SLC22A23: variants seen among roughly 807,000 people sequenced by gnomAD.
SLC22A23 encodes the protein ion transporter protein.
A neutral mutation model predicts 61.0 loss-of-function variants in SLC22A23; 26 were observed. That is an observed-to-expected ratio of 0.43 (90% CI 0.31 to 0.59). SLC22A23 has a LOEUF of 0.59. Ranked by LOEUF, SLC22A23 falls within the 20% of genes least tolerant of loss-of-function variation. SLC22A23 has a pLI of 0.11. For synonymous variants in SLC22A23, 430 were observed against 413.9 expected (o/e 1.04, Z -0.47); for missense variants, 796 against 934.7 (o/e 0.85, Z 1.94).
intron 1 of SLC22A23, among the ~76,000 whole-genome samples, chr6:3,435,922 A>G (rs1561981083): frequency 6.6e-6 from 1 of 152,196 alleles, no homozygotes; most frequent in Non-Finnish European, 1.5e-5. Flanking sequence ...AGAAGACGCC[A>G]TCTGCAAGCC....
At chr6:3,407,830 C>T (rs1004014522) in intron 3 of SLC22A23, among the ~76,000 whole-genome samples, 6 of 152,164 alleles carry the variant, frequency 3.9e-5, no homozygotes, top group African/African-American at 1.4e-4. Context: ...AACATACACA[C>T]TAAGATACAC....
At chr6:3,388,506 C>T (rs773857682) in intron 3 of SLC22A23, among the ~76,000 whole-genome samples, 1 of 152,088 alleles carries the variant, frequency 6.6e-6, no homozygotes. Flanking sequence ...GACACTTCCT[C>T]GAAAACATAA....
At chr6:3,423,349 G>A in intron 1 of SLC22A23, among the ~76,000 whole-genome samples, 1 of 152,166 alleles carries the variant, frequency 6.6e-6, no homozygotes, top group East Asian at 1.9e-4. Context: ...ATCTTTCTCA[G>A]CAGAGGTTTG....
chr6:3,302,057 CT>C lies in SLC22A23; in HGVS notation c.1083-3840del, dbSNP rs1311850439. 2.0e-5 allele frequency among the ~76,000 whole-genome samples: 3 copies of C among 152,178 alleles called. No homozygotes were observed. The East Asian group carries it at 5.8e-4, about 29-fold the overall frequency. On this transcript the variant is annotated intron_variant, in intron 4 of 9. Coordinates refer to ENST00000406686, the MANE Select transcript of SLC22A23 (RefSeq NM_015482.2). ...TTCAGTAGAATTCAGCAGTGAAGCC[CT>C]CTGGTCCTGGACTTTTCTTTTTTGG...
In SLC22A23 at chr6:3,318,710, T is replaced by G. The variant is rs188019229; in HGVS notation, c.1082+5124A>C. 3.6e-3 allele frequency among the ~76,000 whole-genome samples: 552 copies of G among 152,214 alleles called. 11 individuals are homozygous for G. Among genetic ancestry groups the G allele is most frequent in the Non-Finnish European group, 5.3e-4 (36 of 68,002 alleles). On this transcript the variant is annotated intron_variant, in intron 4 of 9. Coordinates refer to ENST00000406686, the MANE Select transcript of SLC22A23 (RefSeq NM_015482.2). This position sits in a 1 kb window ranked among gnomAD's most constrained non-coding sequence, Gnocchi z 4.3. Reference sequence around the variant, plus strand: ...CCTGGATAATAATAAAACCCACATCTTAACACAGGCTGCGGCCTCAGTCAA... The same window carrying G: ...CCTGGATAATAATAAAACCCACATCGTAACACAGGCTGCGGCCTCAGTCAA...
At chr6:3,404,457 G>A (rs1349413720) in intron 3 of SLC22A23, among the ~76,000 whole-genome samples, 3 of 152,160 alleles carry the variant, frequency 2.0e-5, no homozygotes, top group Non-Finnish European at 4.4e-5. Context: ...CCAGAGAAAT[G>A]TCTATAGAAA....
rs1762242695 is a variant in SLC22A23 at position 3,309,766 on chromosome 6, C to G, written c.1083-11548G>C. 6.6e-6 allele frequency among the ~76,000 whole-genome samples: 1 copy of G among 152,244 alleles called. No individual in the cohort carries two copies. The highest frequency in any genetic ancestry group is 1.5e-5 in the Non-Finnish European group (1 of 68,050). On this transcript the variant is annotated intron_variant, in intron 4 of 9. Transcript: ENST00000406686. The surrounding 1 kb of genome is among the most constrained non-coding windows in gnomAD (Gnocchi z 4.7). ...CCACAGGGATGGCTCTCCAATCACT[C>G]ACCAGGGACAGGCAACATTACAAAA...
Position 3,430,439 on chromosome 6 carries a change from C to T in SLC22A23, c.655-14584G>A, listed in dbSNP as rs114858178. Among the ~76,000 whole-genome samples the T allele has an allele frequency of 7.7e-3, 1,179 of 152,214 alleles. 7 individuals carry two copies. The highest frequency in any genetic ancestry group is 0.012 in the Non-Finnish European group (840 of 68,024). On this transcript the variant is annotated intron_variant, in intron 1 of 9. Transcript: ENST00000406686. Reference sequence around the variant, plus strand: ...CTTACGTCCTGGCCTTGTGTAAATACGTTTTCTTCCTTTGTGCCACCACCC... The same window carrying T: ...CTTACGTCCTGGCCTTGTGTAAATATGTTTTCTTCCTTTGTGCCACCACCC...
At position 3,295,361 on chromosome 6, in the gene SLC22A23, C is replaced by T. The variant is rs149131685; in HGVS notation, c.1210+2730G>A. On this transcript the variant is annotated intron_variant, in intron 5 of 9. Transcript: ENST00000406686. ...CGGGAGGGACCTGTGGAGAGGGAGA[C>T]GGTGGTGTGTCCTGGGAGCCAAACG... 2.4e-3 allele frequency among the ~76,000 whole-genome samples: 369 copies of T among 152,122 alleles called. 3 individuals are homozygous for T. Among genetic ancestry groups the T allele is most frequent in the East Asian group, 0.019 (99 of 5,170 alleles).
Position 3,272,190 on chromosome 6 carries a change from T to C in SLC22A23, c.*865A>G, listed in dbSNP as rs1758517713. On this transcript the variant is annotated 3_prime_UTR_variant, in exon 10 of 10. Transcript: ENST00000406686. The stretch of plus-strand genomic sequence containing the variant: ...TGGTTTGTAGCTTAGAAAGTAGCCA[T>C]GTTTTCAAGTAGTGCCGGCACAAGA... 6.6e-6 allele frequency: 1 copy of C among 152,610 alleles called. No homozygotes were observed. Among genetic ancestry groups the C allele is most frequent in the African/African-American group, 2.4e-5 (1 of 41,448 alleles). The allele number at this position is 152,610 out of a possible 1,614,324, so 9.5% of individuals were successfully genotyped here. A position where few individuals can be genotyped will look rare whatever the true frequency, so the allele number is the denominator to read the frequency against.
At chr6:3,296,093 G>A (rs775073990) in intron 5 of SLC22A23, among the ~76,000 whole-genome samples, 44 of 152,194 alleles carry the variant, frequency 2.9e-4, no homozygotes, top group Admixed American at 7.9e-4. Context: ...AGCAGAGTGT[G>A]ATGACTTAAT....
Position 3,360,779 on chromosome 6 carries a change from G to A in SLC22A23, c.914-36777C>T, listed in dbSNP as rs1452593499. Among the ~76,000 whole-genome samples, 1 of 152,224 alleles carries A rather than the reference G, an allele frequency of 6.6e-6. No individual in the cohort carries two copies. Among genetic ancestry groups the A allele is most frequent in the Non-Finnish European group, 1.5e-5 (1 of 68,040 alleles). On this transcript the variant is annotated intron_variant, in intron 3 of 9. Coordinates refer to ENST00000406686, the MANE Select transcript of SLC22A23 (RefSeq NM_015482.2). The surrounding 1 kb of genome is among the most constrained non-coding windows in gnomAD (Gnocchi z 4.6). The stretch of plus-strand genomic sequence containing the variant: ...TGTGCAGGCACCCCCATGCAGACGG[G>A]CCCCTCTGATGGAGACCTGCGTTCG...
intron 1 of SLC22A23, among the ~76,000 whole-genome samples, chr6:3,446,149 A>G (rs1032515305): frequency 6.6e-6 from 1 of 152,184 alleles, no homozygotes; most frequent in African/African-American, 2.4e-5. Flanking sequence ...CGGGAGGGTC[A>G]CCTCTGAAAG....
chr6:3,320,519 T>A (rs1381632539), intron 4 of SLC22A23, among the ~76,000 whole-genome samples: 1 of 152,228 alleles, frequency 6.6e-6, no homozygotes, highest in Non-Finnish European at 1.5e-5. Context: ...AATAAATACT[T>A]GCTCATTAAA....
rs970586279 is a variant in SLC22A23 at position 3,330,018 on chromosome 6, G to A, written c.914-6016C>T. 1.3e-5 allele frequency among the ~76,000 whole-genome samples: 2 copies of A among 152,206 alleles called. No homozygotes were observed. The highest frequency in any genetic ancestry group is 4.8e-5 in the African/African-American group (2 of 41,446). ...CGGCCCGGCCATCCTCTCCCAAGGG[G>A]AAGCCTCTGCGAAGGCCGACTGGGC... is the stretch of plus-strand genomic sequence containing the variant. On this transcript the variant is annotated intron_variant, in intron 3 of 9. Coordinates refer to ENST00000406686, the MANE Select transcript of SLC22A23 (RefSeq NM_015482.2). The surrounding 1 kb of genome is among the most constrained non-coding windows in gnomAD (Gnocchi z 4.7).
At chr6:3,433,722 A>G (rs1771018802) in intron 1 of SLC22A23, among the ~76,000 whole-genome samples, 1 of 152,184 alleles carries the variant, frequency 6.6e-6, no homozygotes, top group African/African-American at 2.4e-5. Context: ...ATGGCTCAGC[A>G]ACAAACAGGA....
At chr6:3,365,153 T>C (rs937003634) in intron 3 of SLC22A23, among the ~76,000 whole-genome samples, 1 of 152,168 alleles carries the variant, frequency 6.6e-6, no homozygotes, top group African/African-American at 2.4e-5. Flanking sequence ...ACCCCGTCTC[T>C]ACTAAAAATA....
At chr6:3,348,040 C>A (rs1439208640) in intron 3 of SLC22A23, among the ~76,000 whole-genome samples, 1 of 152,252 alleles carries the variant, frequency 6.6e-6, no homozygotes, top group Non-Finnish European at 1.5e-5. Context: ...TATCTCACTG[C>A]AGGCTTCTCC....
chr6:3,453,564 A>G (rs755987403), intron 1 of SLC22A23, among the ~76,000 whole-genome samples: 9 of 152,174 alleles, frequency 5.9e-5, no homozygotes, highest in Admixed American at 6.5e-5. Context: ...GCCACATGAG[A>G]AAGAGGTCCA....
Sources: allele counts gnomAD v4.1 joint callset (sites outside exome capture counted in the v4.1 genomes callset), GRCh38; gene constraint gnomAD v4.1.1; non-coding constraint Gnocchi (gnomAD v3.1); transcripts MANE v1.5; gene names NCBI Gene and HGNC (gene_info 2026-07-23, HGNC 2026-07-21).